CCDC198: variants seen among roughly 807,000 people sequenced by gnomAD.
The protein encoded by CCDC198 is factor associated with metabolism and energy.
Under a neutral mutation model 35.6 loss-of-function variants are expected in CCDC198, and 18 were observed. The observed-to-expected ratio is 0.51, with a 90% CI of 0.35 to 0.75. The LOEUF (loss-of-function observed/expected upper bound fraction) is 0.75. Ranked by LOEUF, CCDC198 falls within the 30% of genes least tolerant of loss-of-function variation. The pLI is 0.01. For missense variants in CCDC198, 365 were observed against 343.7 expected (o/e 1.06, Z -0.49); for synonymous variants, 119 against 113.4 (o/e 1.05, Z -0.31).
At chr14:57,493,469 T>A in intron 1 of CCDC198, 24 bp downstream of exon 1, 2 of 1,579,312 alleles carry the variant, frequency 1.3e-6, no homozygotes, top group Non-Finnish European at 1.7e-6. Context: ...GATACACACA[T>A]CTCATGCTGG....
intron 5 of CCDC198, among the ~76,000 whole-genome samples, chr14:57,471,850 C>T (rs2066831571): frequency 6.6e-6 from 1 of 150,684 alleles, no homozygotes; most frequent in Admixed American, 6.6e-5. Flanking sequence ...ACCTATATAC[C>T]CCATCCATCA....
chr14:57,472,476 A>G (rs964746851), intron 5 of CCDC198, among the ~76,000 whole-genome samples: 2 of 152,332 alleles, frequency 1.3e-5, no homozygotes, highest in African/African-American at 4.8e-5. Flanking sequence ...AGAATATTGC[A>G]CAGGTGACAT....
At chr14:57,480,156 A>G in intron 5 of CCDC198, 1 of 467,694 alleles carries the variant, frequency 2.1e-6, no homozygotes, top group Non-Finnish European at 2.8e-6. Flanking sequence ...TGAATGTGCC[A>G]AAGAGAGTTG....
intron 5 of CCDC198, among the ~76,000 whole-genome samples, chr14:57,477,918 G>A (rs1000941078): frequency 1.3e-5 from 2 of 152,052 alleles, no homozygotes; most frequent in African/African-American, 4.8e-5. Flanking sequence ...AGCTGATCTC[G>A]AACCCCTGAC....
chr14:57,478,046 T>C (rs1372266367), intron 5 of CCDC198, among the ~76,000 whole-genome samples: 2 of 152,180 alleles, frequency 1.3e-5, no homozygotes, highest in East Asian at 1.9e-4. Flanking sequence ...GCACTACTGA[T>C]GCAGCTACAC....
chr14:57,483,136 C>G lies in CCDC198; in HGVS notation c.322G>C (p.Asp108His). The G allele has an allele frequency of 6.2e-7, 1 of 1,614,080 alleles. No homozygotes were observed. Among genetic ancestry groups the G allele is most frequent in the Non-Finnish European group, 8.5e-7 (1 of 1,179,966 alleles). The change falls in exon 3 of 6, where the codon GAC (aspartate) becomes CAC (histidine). Residue 108 changes from aspartate (D) to histidine (H), a missense_variant. By Grantham distance (81) the Asp-to-His change is moderately conservative. Coordinates refer to ENST00000216445, the MANE Select transcript of CCDC198 (RefSeq NM_018168.4). The stretch of plus-strand genomic sequence containing the variant: ...CCTGAAGTAATTACTCGTGGCAAGT[C>G]AATGGGTTCAAGCTTCTAGAAGTTC... ...PQRLQKLEPI[D>H]LPRVITSGRL...
Position 57,483,081 on chromosome 14 carries a change from G to T in CCDC198, c.377C>A (p.Thr126Lys). 1 of 1,614,044 alleles carries T rather than the reference G, an allele frequency of 6.2e-7. No homozygotes were observed. Among genetic ancestry groups the T allele is most frequent in the Non-Finnish European group, 8.5e-7 (1 of 1,179,974 alleles). The change falls in exon 3 of 6, where the codon ACA becomes AAA. Residue 126 changes from threonine (T) to lysine (K), a missense_variant. Coordinates refer to ENST00000216445, the MANE Select transcript of CCDC198 (RefSeq NM_018168.4). ...GRLLSQREAR[T>K]MHKAKQVLEK... Reference sequence around the variant, plus strand: ...GCAGCTCACCTTTGCTTTGTGCATTGTCCTGGCTTCTCGCTGGCTCAGGAG... The same window carrying T: ...GCAGCTCACCTTTGCTTTGTGCATTTTCCTGGCTTCTCGCTGGCTCAGGAG...
chr14:57,485,504 T>C (rs915388567), intron 2 of CCDC198, among the ~76,000 whole-genome samples: 2 of 152,212 alleles, frequency 1.3e-5, no homozygotes, highest in African/African-American at 4.8e-5. Flanking sequence ...TGTTGCATTA[T>C]TAAGGGGGTA....
rs1341248224 is a variant in CCDC198, at chr14:57,470,015, GT to G, written c.*1339del. The G allele has an allele frequency of 6.6e-6, 1 of 152,162 alleles. No homozygotes were observed. Among genetic ancestry groups the G allele is most frequent in the Non-Finnish European group, 1.5e-5 (1 of 68,018 alleles). The allele number at this position is 152,162 out of a possible 1,614,324, so 9.4% of individuals were successfully genotyped here. On this transcript the variant is annotated 3_prime_UTR_variant, in exon 6 of 6. Transcript: ENST00000216445. ...ACATGGAGCTGCATTTTACACAAAA[GT>G]TCTTAAAAATTGTCCCAAAAGCTAA...
intron 1 of CCDC198, 48 bp downstream of exon 1, chr14:57,493,445 T>C: frequency 6.8e-7 from 1 of 1,459,928 alleles, no homozygotes; most frequent in Non-Finnish European, 9.6e-7. Context: ...CTATTAATAA[T>C]GCTCCTTGGT....
intron 2 of CCDC198, among the ~76,000 whole-genome samples, chr14:57,486,121 T>C (rs748379003): frequency 1.2e-4 from 19 of 152,162 alleles, no homozygotes; most frequent in Non-Finnish European, 2.4e-4. Context: ...GAATCAGGAA[T>C]GACTGAAGGG....
chr14:57,473,687 C>G (rs1225654358), intron 5 of CCDC198, among the ~76,000 whole-genome samples: 1 of 152,156 alleles, frequency 6.6e-6, no homozygotes, highest in African/African-American at 2.4e-5. Context: ...CCCCTCCCAC[C>G]CATTCTCCAC....
At chr14:57,485,043 A>T (rs72722874) in intron 2 of CCDC198, among the ~76,000 whole-genome samples, 20,086 of 152,232 alleles carry the variant, frequency 0.13, 1,836 homozygotes, top group East Asian at 0.35. Flanking sequence ...GGGTGTTATC[A>T]TACCCTGTGA....
chr14:57,487,335 G>C (rs550419699), intron 2 of CCDC198, among the ~76,000 whole-genome samples: 2 of 152,304 alleles, frequency 1.3e-5, no homozygotes, highest in East Asian at 3.9e-4. Flanking sequence ...TGAAGGGCCA[G>C]GGGACTCAAG....
rs539459893 is a variant in CCDC198, at chr14:57,474,684, A to G, written c.656-3094T>C. Among the ~76,000 whole-genome samples the G allele has an allele frequency of 6.6e-5, 10 of 152,292 alleles. 1 individual carries two copies. The highest frequency in any genetic ancestry group is 1.9e-4 in the African/African-American group (8 of 41,570). On this transcript the variant is annotated intron_variant, in intron 5 of 5. Transcript: ENST00000216445. The stretch of plus-strand genomic sequence containing the variant: ...ACTTGTTACATTTTTATAAATCCTC[A>G]TTTAATTCTCTGTGGTTTATAGACT...
At chr14:57,479,684 C>T (rs971175816) in intron 5 of CCDC198, among the ~76,000 whole-genome samples, 2 of 152,156 alleles carry the variant, frequency 1.3e-5, no homozygotes, top group Non-Finnish European at 2.9e-5. Flanking sequence ...TTAAGAATCA[C>T]TTAAAGTTAA....
chr14:57,483,081 G>A lies in CCDC198; in HGVS notation c.377C>T (p.Thr126Ile), dbSNP rs751722948. The A allele has an allele frequency of 1.2e-6, 2 of 1,614,044 alleles. No homozygotes were observed. The highest frequency in any genetic ancestry group is 1.7e-6 in the Non-Finnish European group (2 of 1,179,974). Reference protein sequence around the residue: ...GRLLSQREARTMHKAKQVLEK... With the variant: ...GRLLSQREARIMHKAKQVLEK... ...GCAGCTCACCTTTGCTTTGTGCATT[G>A]TCCTGGCTTCTCGCTGGCTCAGGAG... The change falls in exon 3 of 6, where the codon ACA becomes ATA. Residue 126 changes from threonine (T) to isoleucine (I), a missense_variant. By Grantham distance (89) the Thr-to-Ile change is moderately conservative. Transcript: ENST00000216445.
At chr14:57,488,728 A>G (rs183950294) in intron 2 of CCDC198, among the ~76,000 whole-genome samples, 5 of 152,326 alleles carry the variant, frequency 3.3e-5, no homozygotes, top group Middle Eastern at 3.4e-3. Flanking sequence ...ACATGAACAG[A>G]CACTTCTCAA....
At position 57,481,561 on chromosome 14, in the gene CCDC198, C is replaced by G; in HGVS notation, c.493G>C (p.Glu165Gln). ...QVLEMIRKRQ[E>Q]AQMELKKSLH... ...TATGACACTCTTCTCGTATTTACCTCTTGTCTTTTACGGATCATTTCCAGC... is the reference window on the plus strand; with the variant it reads ...TATGACACTCTTCTCGTATTTACCTGTTGTCTTTTACGGATCATTTCCAGC... Residue 165 changes from glutamate to glutamine, a missense_variant and splice_region_variant, in exon 4 of 6, where the codon GAG becomes CAG. Coordinates refer to ENST00000216445, the MANE Select transcript of CCDC198 (RefSeq NM_018168.4). 3 of 1,605,744 alleles carry G rather than the reference C, an allele frequency of 1.9e-6. No individual in the cohort carries two copies. The highest frequency in any genetic ancestry group is 2.2e-5 in the South Asian group (2 of 90,760).
Sources: gnomAD v4.1 joint callset for allele counts (sites outside exome capture counted in the v4.1 genomes callset) on GRCh38, gnomAD v4.1.1 for gene constraint, MANE v1.5 for transcripts, NCBI Gene and HGNC (gene_info 2026-07-23, HGNC 2026-07-21) for gene names.